FOXN3: variants seen among roughly 807,000 people sequenced by gnomAD.
FOXN3 encodes the protein forkhead box N3.
Under a neutral mutation model 38.4 loss-of-function variants are expected in FOXN3, and 7 were observed. That is an observed-to-expected ratio of 0.18 (90% CI 0.10 to 0.34). The LOEUF (loss-of-function observed/expected upper bound fraction) is 0.34, where lower values mean the gene tolerates loss of function less well. FOXN3 is among the 10% of genes least tolerant of loss of function. The probability of loss-of-function intolerance (pLI) is 1.00; values close to 1 mark genes in which losing one functional copy is unlikely to be tolerated. For synonymous variants in FOXN3, 230 were observed against 242.2 expected, an observed-to-expected ratio of 0.95 and a Z score of 0.47; for missense variants, 456 against 613.4, an observed-to-expected ratio of 0.74 and a Z score of 2.71.
chr14:89,356,408 T>C lies in FOXN3; in HGVS notation c.544-5600A>G, dbSNP rs1291956217. ...CGAGACTCGATCTCAAAAAAATATA[T>C]AATAATAATAATTAAATTAAATTAA... On this transcript the variant is annotated intron_variant, in intron 2 of 5. Transcript: ENST00000557258. The C allele has an allele frequency of 3.3e-5, 5 of 151,518 alleles. No homozygotes were observed. In the East Asian group the frequency reaches 9.6e-4, roughly 29 times the overall value. 9.4% of individuals were successfully genotyped at this position (151,518 alleles called of 1,614,324 possible). A position where few individuals can be genotyped will look rare whatever the true frequency, so the allele number is the denominator to read the frequency against.
At chr14:89,596,756 C>T (rs572671453) in intron 1 of FOXN3, among the ~76,000 whole-genome samples, 55 of 152,260 alleles carry the variant, frequency 3.6e-4, no homozygotes, top group African/African-American at 1.3e-3. Flanking sequence ...CAGTAAGTGG[C>T]ATTTTAAAAT....
intron 4 of FOXN3, among the ~76,000 whole-genome samples, chr14:89,272,589 C>T (rs1403895864): frequency 6.6e-6 from 1 of 151,828 alleles, no homozygotes; most frequent in Non-Finnish European, 1.5e-5. Flanking sequence ...CGGTGGCTCA[C>T]GCCTGTAATC....
At chr14:89,192,774 G>T (rs1887993182) in intron 4 of FOXN3, among the ~76,000 whole-genome samples, 1 of 145,354 alleles carries the variant, frequency 6.9e-6, no homozygotes, top group Admixed American at 6.9e-5. Context: ...TATATTATTA[G>T]TTGAATTTTA....
chr14:89,416,585 C>A (rs1035970433), intron 1 of FOXN3, among the ~76,000 whole-genome samples: 1 of 152,114 alleles, frequency 6.6e-6, no homozygotes, highest in African/African-American at 2.4e-5. Flanking sequence ...ACGGCGGGGA[C>A]CCCGTCCTCC....
Position 89,425,585 on chromosome 14 carries a change from G to A in FOXN3, c.-14-13095C>T, listed in dbSNP as rs185601301. Among the ~76,000 whole-genome samples, 9 of 149,810 alleles carry A rather than the reference G, an allele frequency of 6.0e-5. No individual in the cohort carries two copies. The East Asian group carries it at 7.9e-4, about 13-fold the overall frequency. ...TGAGCATGTTGGCCACGCTGGTCTC[G>A]AACTCCTGACCTCAGGTGTTCTACC... On this transcript the variant is annotated intron_variant, in intron 1 of 6. Transcript: ENST00000345097.
chr14:89,288,946 C>A (rs542599309), intron 3 of FOXN3, among the ~76,000 whole-genome samples: 2 of 150,942 alleles, frequency 1.3e-5, no homozygotes, highest in African/African-American at 4.9e-5. Context: ...AGTTGGGAGG[C>A]GCAAGTGGGC....
chr14:89,550,522 ACT>A (rs1300149236), intron 1 of FOXN3, among the ~76,000 whole-genome samples: 2 of 151,898 alleles, frequency 1.3e-5, no homozygotes, highest in Non-Finnish European at 1.5e-5. Context: ...AAACCAACAG[ACT>A]CTGCATCGCC....
At chr14:89,360,584 GA>G (rs1230975082) in intron 2 of FOXN3, among the ~76,000 whole-genome samples, 1 of 147,344 alleles carries the variant, frequency 6.8e-6, no homozygotes, top group Non-Finnish European at 1.5e-5. Flanking sequence ...GAGAGAAGAA[GA>G]AAGGGAGAGA....
At chr14:89,212,660 C>T (rs1250646466) in intron 4 of FOXN3, among the ~76,000 whole-genome samples, 1 of 152,136 alleles carries the variant, frequency 6.6e-6, no homozygotes, top group Non-Finnish European at 1.5e-5. Context: ...GCCTGGGTCC[C>T]CCTCCTTTGG....
chr14:89,411,787 T>G (rs1224615874), intron 2 of FOXN3, 147 bp downstream of exon 2: 2 of 488,972 alleles, frequency 4.1e-6, no homozygotes, highest in Non-Finnish European at 6.8e-6. Context: ...AGGAAATTCT[T>G]TAAAATTATC....
At chr14:89,595,182 G>A (rs1005990445) in intron 1 of FOXN3, among the ~76,000 whole-genome samples, 17 of 151,520 alleles carry the variant, frequency 1.1e-4, no homozygotes, top group East Asian at 1.9e-4. Context: ...AAAATTAGCC[G>A]GGCACGGTGG....
At chr14:89,465,517 T>C (rs1892961791) in intron 1 of FOXN3, among the ~76,000 whole-genome samples, 1 of 152,198 alleles carries the variant, frequency 6.6e-6, no homozygotes, top group Admixed American at 6.5e-5. Context: ...CCACCGCGCC[T>C]AGCTTGAGTA....
chr14:89,332,579 A>G (rs1888283302), intron 3 of FOXN3, among the ~76,000 whole-genome samples: 1 of 152,222 alleles, frequency 6.6e-6, no homozygotes, highest in Non-Finnish European at 1.5e-5. Flanking sequence ...CTTTAATTCA[A>G]TGTTAAGACT....
chr14:89,514,520 A>T (rs1426845938), intron 1 of FOXN3, among the ~76,000 whole-genome samples: 2 of 152,184 alleles, frequency 1.3e-5, no homozygotes, highest in Admixed American at 6.5e-5. Context: ...AGAGCCTTAG[A>T]CCTTAGACAC....
At chr14:89,617,917 T>C (rs1306112569) in intron 1 of FOXN3, among the ~76,000 whole-genome samples, 1 of 151,994 alleles carries the variant, frequency 6.6e-6, no homozygotes, top group African/African-American at 2.4e-5. Context: ...AGTGTGAGAG[T>C]TAAAGTGGGC....
At chr14:89,343,910 G>A (rs982442798) in intron 3 of FOXN3, among the ~76,000 whole-genome samples, 1 of 152,028 alleles carries the variant, frequency 6.6e-6, no homozygotes, top group Non-Finnish European at 1.5e-5. Flanking sequence ...GCAGGTGCCT[G>A]CCACCACACC....
At chr14:89,609,904 G>C (rs560630983) in intron 1 of FOXN3, among the ~76,000 whole-genome samples, 2 of 152,028 alleles carry the variant, frequency 1.3e-5, no homozygotes, top group Non-Finnish European at 2.9e-5. Flanking sequence ...CGGGGGCGGC[G>C]GCGGCTGGCG....
intron 1 of FOXN3, among the ~76,000 whole-genome samples, chr14:89,442,443 T>C (rs1203911858): frequency 6.6e-6 from 1 of 152,178 alleles, no homozygotes. Context: ...TGCATGGCAG[T>C]GAATGTCACA....
chr14:89,526,449 G>A (rs1216348653), intron 1 of FOXN3, among the ~76,000 whole-genome samples: 2 of 152,028 alleles, frequency 1.3e-5, no homozygotes, highest in East Asian at 1.9e-4. Context: ...AAAAGCAGCT[G>A]TATTTCTATA....
Sources: gnomAD v4.1 joint callset for allele counts (sites outside exome capture counted in the v4.1 genomes callset) on GRCh38, gnomAD v4.1.1 for gene constraint, MANE v1.5 for transcripts, NCBI Gene and HGNC (gene_info 2026-07-23, HGNC 2026-07-21) for gene names.